CLASRP: variants seen among roughly 807,000 people sequenced by gnomAD.
CLASRP encodes the protein CLK4-associating serine/arginine rich protein.
A neutral mutation model predicts 99.9 loss-of-function variants in CLASRP; 52 were observed. That is an observed-to-expected ratio of 0.52 (90% CI 0.42 to 0.66). The LOEUF (loss-of-function observed/expected upper bound fraction) is 0.66. Ranked by LOEUF, CLASRP falls within the 30% of genes least tolerant of loss-of-function variation. CLASRP has a pLI of 0.00. For missense variants in CLASRP, 848 were observed against 999.2 expected (o/e 0.85, Z 2.04); for synonymous variants, 379 against 373.0 (o/e 1.02, Z -0.18).
Position 45,068,463 on chromosome 19 carries a change from A to G in CLASRP, c.1751A>G (p.Lys584Arg). The change falls in exon 16 of 21, where the codon AAG becomes AGG. Residue 584 changes from lysine (K) to arginine (R), a missense_variant. Transcript: ENST00000221455. ...PQEKLKLRMQ[K>R]ALNRQFKADK... The stretch of plus-strand genomic sequence containing the variant: ...GAGAAGCTGAAACTGAGGATGCAGA[A>G]GGCGCTGAACAGGCAGTGTATGTTC... 1 of 1,613,388 alleles carries G rather than the reference A, an allele frequency of 6.2e-7. No individual in the cohort carries two copies. Among genetic ancestry groups the G allele is most frequent in the Non-Finnish European group, 8.5e-7 (1 of 1,179,334 alleles).
chr19:45,056,385 T>G, intron 5 of CLASRP, 65 bp from the exon 6 acceptor site: 1 of 1,450,138 alleles, frequency 6.9e-7, no homozygotes, highest in Non-Finnish European at 9.7e-7. Context: ...CGCACCCTTG[T>G]GTTCCCCCAC....
chr19:45,070,461 G>A (rs1209073844), intron 19 of CLASRP, 76 bp from the exon 20 acceptor site: 1 of 1,339,454 alleles, frequency 7.5e-7, no homozygotes, highest in African/African-American at 1.4e-5. Context: ...TCAGTTTTGA[G>A]GACCTCACCC....
intron 2 of CLASRP, among the ~76,000 whole-genome samples, chr19:45,045,508 C>T (rs1231914721): frequency 6.6e-6 from 1 of 151,886 alleles, no homozygotes; most frequent in Non-Finnish European, 1.5e-5. Context: ...GAGAATAAGA[C>T]CCTGTCTTTA....
At chr19:45,051,498 A>G (rs1217827285) in intron 2 of CLASRP, among the ~76,000 whole-genome samples, 2 of 151,736 alleles carry the variant, frequency 1.3e-5, no homozygotes, top group African/African-American at 4.8e-5. Context: ...TATTTTTAGT[A>G]GAGCCTGGGT....
intron 2 of CLASRP, among the ~76,000 whole-genome samples, chr19:45,044,456 G>A (rs1448145303): frequency 2.0e-5 from 3 of 152,158 alleles, no homozygotes; most frequent in East Asian, 1.9e-4. Flanking sequence ...ACGGAGATAC[G>A]TGGCTTACAG....
chr19:45,042,527 A>ATATG (rs202206503), intron 2 of CLASRP, among the ~76,000 whole-genome samples: 32 of 151,658 alleles, frequency 2.1e-4, no homozygotes, highest in African/African-American at 7.7e-4. Flanking sequence ...ATATATATAT[A>ATATG]TGTGTGTGTA....
chr19:45,069,293 T>C, intron 18 of CLASRP, 45 bp downstream of exon 18: 3 of 1,586,970 alleles, frequency 1.9e-6, no homozygotes, highest in Non-Finnish European at 2.6e-6. Flanking sequence ...CCTCCTGGCC[T>C]GCCTGGCCTT....
At chr19:45,047,486 A>C (rs1331498592) in intron 2 of CLASRP, 1 of 151,830 alleles carries the variant, frequency 6.6e-6, no homozygotes, top group African/African-American at 2.4e-5. Flanking sequence ...CATATACTAA[A>C]ATTGGAACGA....
At chr19:45,068,157 C>G in intron 15 of CLASRP, 103 bp downstream of exon 15, 2 of 1,036,060 alleles carry the variant, frequency 1.9e-6, no homozygotes, top group Non-Finnish European at 3.0e-6. Flanking sequence ...GCTGGGAGAT[C>G]CAGCCCCAGG....
At chr19:45,063,311 T>C (rs999934046) in intron 11 of CLASRP, among the ~76,000 whole-genome samples, 2 of 151,704 alleles carry the variant, frequency 1.3e-5, no homozygotes, top group Non-Finnish European at 2.9e-5. Context: ...CTGGCCACTT[T>C]GTTTTTATTT....
Position 45,064,007 on chromosome 19 carries a change from C to T in CLASRP, c.906-5C>T, listed in dbSNP as rs568003550. The T allele has an allele frequency of 1.2e-4, 194 of 1,605,764 alleles. No homozygotes were observed. The South Asian group carries it at 1.9e-3, about 16-fold the overall frequency. On this transcript the variant is annotated splice_polypyrimidine_tract_variant and splice_region_variant and intron_variant, in intron 11 of 20. Transcript: ENST00000221455. ...GCTAGTGAGCCTCCTCCTCCCTACC[C>T]GCAGGTCACCCTCGGAGTCCAGCTC...
At chr19:45,070,352 A>G (rs1369256894) in intron 19 of CLASRP, among the ~76,000 whole-genome samples, 185 bp from the exon 20 acceptor site, 1 of 152,136 alleles carries the variant, frequency 6.6e-6, no homozygotes, top group Non-Finnish European at 1.5e-5. Flanking sequence ...GATTGCAGCA[A>G]TTAGAAGTGC....
At chr19:45,059,706 C>G (rs1292057948) in intron 8 of CLASRP, among the ~76,000 whole-genome samples, 1 of 152,178 alleles carries the variant, frequency 6.6e-6, no homozygotes, top group Non-Finnish European at 1.5e-5. Flanking sequence ...CTGGTTGTAC[C>G]TCTACCCTGA....
chr19:45,047,145 C>T (rs933184492), intron 2 of CLASRP, among the ~76,000 whole-genome samples: 14 of 151,902 alleles, frequency 9.2e-5, no homozygotes, highest in African/African-American at 2.7e-4. Context: ...AGGGATACAT[C>T]GAGAAAGAAA....
intron 3 of CLASRP, 110 bp from the exon 4 acceptor site, chr19:45,052,681 G>A (rs945182039): frequency 4.6e-5 from 35 of 754,492 alleles, no homozygotes; most frequent in Non-Finnish European, 7.1e-5. Context: ...GGGGACCAAA[G>A]CAGGCTGAGG....
In CLASRP at chr19:45,054,717, A is replaced by G. The variant is rs186628274; in HGVS notation, c.379+1540A>G. Among the ~76,000 whole-genome samples the G allele has an allele frequency of 3.7e-3, 565 of 152,280 alleles. 2 individuals carry two copies. The highest frequency in any genetic ancestry group is 0.013 in the African/African-American group (537 of 41,550). ...TGGGATTCCCTGTGGAGTTAAGGGAAGGATGGAGTTCTCTGCTGGGTTTGT... is the reference window on the plus strand; with the variant it reads ...TGGGATTCCCTGTGGAGTTAAGGGAGGGATGGAGTTCTCTGCTGGGTTTGT... On this transcript the variant is annotated intron_variant, in intron 5 of 20. Transcript: ENST00000221455.
Position 45,039,078 on chromosome 19 carries a change from G to C in CLASRP, c.-60G>C, listed in dbSNP as rs935183294. ...TCCGCTTCCGGTGCGGGCCGCGCGC[G>C]AGCGCAGCGGTGGGAGGCGGCGACC... On this transcript the variant is annotated 5_prime_UTR_variant, in exon 1 of 21. Transcript: ENST00000221455. 1.3e-5 allele frequency: 2 copies of C among 152,132 alleles called. No homozygotes were observed. The highest frequency in any genetic ancestry group is 2.4e-5 in the African/African-American group (1 of 41,444). The allele number at this position is 152,132 out of a possible 1,614,324, so 9.4% of individuals were successfully genotyped here.
At chr19:45,068,309 T>TGTGCCCCCCCCCCCC in intron 15 of CLASRP, 111 bp from the exon 16 acceptor site, 2 of 651,140 alleles carry the variant, frequency 3.1e-6, no homozygotes. Flanking sequence ...CCCACGTCGT[T>TGTGCCCCCCCCCCCC]CTCCCCCCCC....
intron 15 of CLASRP, 110 bp from the exon 16 acceptor site, chr19:45,068,310 C>A: frequency 3.3e-6 from 2 of 603,848 alleles, no homozygotes; most frequent in East Asian, 3.1e-5. Flanking sequence ...CCACGTCGTT[C>A]TCCCCCCCCC....
Sources: gnomAD v4.1 joint callset for allele counts (sites outside exome capture counted in the v4.1 genomes callset) on GRCh38, gnomAD v4.1.1 for gene constraint, MANE v1.5 for transcripts, NCBI Gene and HGNC (gene_info 2026-07-23, HGNC 2026-07-21) for gene names.